GFPT1: variants seen among roughly 807,000 people sequenced by gnomAD.
GFPT1 encodes glutamine--fructose-6-phosphate aminotransferase [isomerizing] 1.
Under a neutral mutation model 92.0 loss-of-function variants are expected in GFPT1, and 40 were observed. The ratio of observed to expected loss-of-function variants is 0.43; its 90% CI spans 0.34 to 0.57. The LOEUF (loss-of-function observed/expected upper bound fraction) is 0.57. Among genes scored for constraint, GFPT1 ranks in the 20% least tolerant of loss-of-function variants. The pLI, the probability that GFPT1 is intolerant of heterozygous loss-of-function variation, is 0.02. For synonymous variants in GFPT1, 269 were observed against 280.6 expected, an observed-to-expected ratio of 0.96 and a Z score of 0.41; for missense variants, 448 against 869.1, an observed-to-expected ratio of 0.52 and a Z score of 6.09.
Position 69,326,740 on chromosome 2 carries a change from G to A in GFPT1, c.2055+174C>T, listed in dbSNP as rs567452447. 3.9e-5 allele frequency among the ~76,000 whole-genome samples: 6 copies of A among 152,302 alleles called. No individual in the cohort carries two copies. The East Asian group carries it at 9.6e-4, about 24-fold the overall frequency. The stretch of plus-strand genomic sequence containing the variant: ...ACCCCAAGGTTCCTTCAAGTTCTAT[G>A]GGTAAGAAGATGTTGTGATGTAACC... On this transcript the variant is annotated intron_variant, in intron 19 of 19. Transcript: ENST00000357308.
intron 15 of GFPT1, among the ~76,000 whole-genome samples, chr2:69,337,170 T>G (rs1179533926): frequency 6.6e-6 from 1 of 151,828 alleles, no homozygotes; most frequent in Non-Finnish European, 1.5e-5. Context: ...GTTCAAGTGA[T>G]TCTCTTGCCT....
chr2:69,364,376 A>G (rs1671556491), intron 3 of GFPT1, among the ~76,000 whole-genome samples: 1 of 152,220 alleles, frequency 6.6e-6, no homozygotes, highest in African/African-American at 2.4e-5. Context: ...ATAATGTACT[A>G]TTCTTTCAAG....
intron 9 of GFPT1, among the ~76,000 whole-genome samples, chr2:69,352,371 T>G (rs919465748): frequency 1.3e-5 from 2 of 151,992 alleles, no homozygotes; most frequent in Admixed American, 1.3e-4. Context: ...TCCCAGCACT[T>G]TGGGAGGCCG....
intron 1 of GFPT1, among the ~76,000 whole-genome samples, chr2:69,383,601 C>CATTTATTT (rs199893451): frequency 1.3e-5 from 2 of 151,936 alleles, no homozygotes; most frequent in African/African-American, 4.8e-5. Context: ...GCAAACATTC[C>CATTTATTT]ATTTATTTAT....
rs189513278 is a variant in GFPT1, at chr2:69,327,229, C to A, written c.1894-154G>T. Among the ~76,000 whole-genome samples the A allele has an allele frequency of 1.2e-4, 18 of 152,276 alleles. 2 individuals are homozygous for A. The South Asian group carries it at 3.7e-3, about 32-fold the overall frequency. On this transcript the variant is annotated intron_variant, in intron 18 of 19. Transcript: ENST00000357308. ...TGTGTAGTAAATCTGATTGTTATTA[C>A]TTATAGTCGAGGAAACAGAAGCGTT...
intron 13 of GFPT1, among the ~76,000 whole-genome samples, chr2:69,340,958 C>T (rs1558741396): frequency 6.6e-6 from 1 of 151,384 alleles, no homozygotes; most frequent in African/African-American, 2.4e-5. Flanking sequence ...TTCCCGTGTT[C>T]AAAATTTTTT....
At position 69,342,386 on chromosome 2, in the gene GFPT1, C is replaced by T. The variant is rs905574137; in HGVS notation, c.1106-137G>A. On this transcript the variant is annotated intron_variant, in intron 12 of 19. Coordinates refer to ENST00000357308, the MANE Select transcript of GFPT1 (RefSeq NM_001244710.2). Reference sequence around the variant, plus strand: ...GAATTAATATTCCTCTTGGAAAGCACAGTTCTCTGTAATTTTGAAAAGTAA... The same window carrying T: ...GAATTAATATTCCTCTTGGAAAGCATAGTTCTCTGTAATTTTGAAAAGTAA... 1.3e-5 allele frequency: 9 copies of T among 677,202 alleles called. No individual in the cohort carries two copies. In the African/African-American group the frequency reaches 1.6e-4, roughly 12 times the overall value. The allele number at this position is 677,202 out of a possible 1,614,324, so 41.9% of individuals were successfully genotyped here.
intron 3 of GFPT1, among the ~76,000 whole-genome samples, chr2:69,366,899 T>A (rs1279257408): frequency 6.6e-6 from 1 of 152,182 alleles, no homozygotes; most frequent in Non-Finnish European, 1.5e-5. Flanking sequence ...TCAGATGTCA[T>A]CTTCCCTTTT....
intron 10 of GFPT1, among the ~76,000 whole-genome samples, chr2:69,349,576 T>C (rs895737862): frequency 6.6e-6 from 1 of 152,356 alleles, no homozygotes; most frequent in South Asian, 2.1e-4. Flanking sequence ...CATTTACAAA[T>C]GCATGTAAAC....
intron 1 of GFPT1, among the ~76,000 whole-genome samples, chr2:69,386,469 T>C (rs1672131731): frequency 6.6e-6 from 1 of 152,190 alleles, no homozygotes. Context: ...GAAGGCCTCT[T>C]CCACCAGAGG....
At position 69,324,790 on chromosome 2, in the gene GFPT1, AAC is replaced by A. The variant is rs1670491603; in HGVS notation, c.*1397_*1398del. On this transcript the variant is annotated 3_prime_UTR_variant, in exon 20 of 20. Coordinates refer to ENST00000357308, the MANE Select transcript of GFPT1 (RefSeq NM_001244710.2). The stretch of plus-strand genomic sequence containing the variant: ...AAAAAGAAGGACTTCACCAAAAACA[AAC>A]ACACTCTCCTATAGCCCTGAAGATC... 1 of 152,176 alleles carries A rather than the reference AAC, an allele frequency of 6.6e-6. No homozygotes were observed. Among genetic ancestry groups the A allele is most frequent in the Non-Finnish European group, 1.5e-5 (1 of 68,004 alleles). The allele number at this position is 152,176 out of a possible 1,614,324, so 9.4% of individuals were successfully genotyped here.
chr2:69,371,021 G>C (rs907541146), intron 2 of GFPT1, among the ~76,000 whole-genome samples: 24 of 151,804 alleles, frequency 1.6e-4, no homozygotes, highest in African/African-American at 5.8e-4. Context: ...ACAAAAAACA[G>C]GGTGGGGAGC....
chr2:69,371,042 C>T (rs1470435616), intron 2 of GFPT1, among the ~76,000 whole-genome samples: 1 of 150,732 alleles, frequency 6.6e-6, no homozygotes, highest in Non-Finnish European at 1.5e-5. Context: ...AGGGTGAGGA[C>T]TGCAATGTAT....
chr2:69,374,617 A>T (rs1465402417), intron 1 of GFPT1, among the ~76,000 whole-genome samples: 1 of 152,186 alleles, frequency 6.6e-6, no homozygotes, highest in Non-Finnish European at 1.5e-5. Context: ...CTGGCAAAGA[A>T]GCTTATAAAG....
intron 15 of GFPT1, 71 bp downstream of exon 15, chr2:69,337,827 A>G: frequency 8.5e-7 from 1 of 1,180,592 alleles, no homozygotes; most frequent in South Asian, 1.2e-5. Context: ...GATACAGACT[A>G]GTCTACAGAC....
At chr2:69,356,390 T>C in intron 7 of GFPT1, 106 bp downstream of exon 7, 1 of 830,170 alleles carries the variant, frequency 1.2e-6, no homozygotes, top group Admixed American at 1.7e-5. Context: ...ATATATCTAA[T>C]AAAGGGCAGA....
chr2:69,384,681 G>A (rs57920106), intron 1 of GFPT1, among the ~76,000 whole-genome samples: 3,070 of 109,818 alleles, frequency 0.028, 128 homozygotes, highest in African/African-American at 0.1. Flanking sequence ...GCGACAGAGA[G>A]AGGCCCCGTC....
chr2:69,378,983 C>T (rs1671943544), intron 1 of GFPT1, among the ~76,000 whole-genome samples: 1 of 152,156 alleles, frequency 6.6e-6, no homozygotes, highest in African/African-American at 2.4e-5. Context: ...AGCAGTGGCT[C>T]ACATCTGTAA....
At chr2:69,375,068 G>A (rs1394595538) in intron 1 of GFPT1, among the ~76,000 whole-genome samples, 1 of 152,162 alleles carries the variant, frequency 6.6e-6, no homozygotes, top group African/African-American at 2.4e-5. Context: ...GAACTGAACG[G>A]GATAAGCAAA....
Sources: gnomAD v4.1 joint callset for allele counts (sites outside exome capture counted in the v4.1 genomes callset) on GRCh38, gnomAD v4.1.1 for gene constraint, MANE v1.5 for transcripts, NCBI Gene and HGNC (gene_info 2026-07-23, HGNC 2026-07-21) for gene names.